The following HADHB variants were observed in gnomAD, a reference collection of about 807,000 sequenced individuals.
The protein encoded by HADHB is trifunctional enzyme subunit beta, mitochondrial.
A neutral mutation model predicts 61.9 loss-of-function variants in HADHB; 50 were observed. That is an observed-to-expected ratio of 0.81 (90% CI 0.64 to 1.02). The LOEUF is 1.02. HADHB is among the 50% of genes least tolerant of loss of function. HADHB has a pLI of 0.00. For synonymous variants in HADHB, 191 were observed against 201.6 expected (o/e 0.95, Z 0.45); for missense variants, 504 against 586.5 (o/e 0.86, Z 1.45).
At chr2:26,272,387 G>A (rs1391024082) in intron 5 of HADHB, among the ~76,000 whole-genome samples, 1 of 142,406 alleles carries the variant, frequency 7.0e-6, no homozygotes, top group Admixed American at 7.3e-5. Context: ...CTCTTGTTGC[G>A]CAAATTGGAG....
chr2:26,249,057 CA>C (rs112282659), intron 1 of HADHB, among the ~76,000 whole-genome samples: 51 of 136,584 alleles, frequency 3.7e-4, no homozygotes, highest in Non-Finnish European at 4.0e-4. Flanking sequence ...GACTTTGTCT[CA>C]AAAAAAAAAA....
Position 26,290,019 on chromosome 2 carries a change from C to T in HADHB, c.*66C>T, listed in dbSNP as rs372006742. The T allele has an allele frequency of 2.0e-6, 2 of 1,019,210 alleles. No individual in the cohort carries two copies. The highest frequency in any genetic ancestry group is 3.1e-6 in the Non-Finnish European group (2 of 637,918). 63.1% of individuals were successfully genotyped at this position (1,019,210 alleles called of 1,614,324 possible). On this transcript the variant is annotated 3_prime_UTR_variant, in exon 16 of 16. Transcript: ENST00000317799. ...CACACTAGGCAATGCCATTTCAATGCATTACTAAATGACATTTGTAGTTCC... is the reference window on the plus strand; with the variant it reads ...CACACTAGGCAATGCCATTTCAATGTATTACTAAATGACATTTGTAGTTCC...
Position 26,282,989 on chromosome 2 carries a change from TA to T in HADHB, c.1014-14del. On this transcript the variant is annotated splice_polypyrimidine_tract_variant and intron_variant, in intron 11 of 15. Transcript: ENST00000317799. Reference sequence around the variant, plus strand: ...ATTTTATTACCAAAGCTCACCTCTCTATTTTTTTACCTAGGGATTTTATGTA... The same window carrying T: ...ATTTTATTACCAAAGCTCACCTCTCTTTTTTTTACCTAGGGATTTTATGTA... The T allele has an allele frequency of 6.2e-7, 1 of 1,606,836 alleles. No individual in the cohort carries two copies. The highest frequency in any genetic ancestry group is 1.1e-5 in the South Asian group (1 of 90,928).
intron 1 of HADHB, among the ~76,000 whole-genome samples, chr2:26,247,282 A>C (rs1671204440): frequency 3.3e-5 from 5 of 152,152 alleles, no homozygotes; most frequent in Non-Finnish European, 1.5e-5. Flanking sequence ...TATTTTTACC[A>C]AAATTTCTGT....
intron 7 of HADHB, 117 bp from the exon 8 acceptor site, chr2:26,278,497 A>G: frequency 1.2e-6 from 1 of 868,842 alleles, no homozygotes; most frequent in Non-Finnish European, 1.9e-6. Flanking sequence ...AACTTTAATT[A>G]CAGATGTTGT....
At chr2:26,284,291 T>C in intron 13 of HADHB, 87 bp downstream of exon 13, 1 of 817,194 alleles carries the variant, frequency 1.2e-6, no homozygotes, top group Non-Finnish European at 2.2e-6. Context: ...GCATGGTTTA[T>C]GATGTGAGTA....
intron 3 of HADHB, 146 bp downstream of exon 3, chr2:26,254,620 A>C: frequency 3.1e-6 from 2 of 640,842 alleles, no homozygotes; most frequent in South Asian, 3.5e-5. Context: ...CCTTCAAATT[A>C]AAAAATTATA....
In HADHB at chr2:26,284,943, G is replaced by C. The variant is rs918753033; in HGVS notation, c.1210G>C (p.Gly404Arg). The change falls in exon 14 of 16, where the codon GGT becomes CGT. Residue 404 changes from glycine to arginine, a missense_variant. By Grantham distance (125) the Gly-to-Arg change is moderately radical (BLOSUM62 -2). Coordinates refer to ENST00000317799, the MANE Select transcript of HADHB (RefSeq NM_000183.3). ...TGATTGGTTTGCAGAAAACTACATG[G>C]GTAGAAAAACCAAGGTGAGTTTCTA... ...DSDWFAENYM[G>R]RKTKVGLPPL... 2.5e-6 allele frequency: 4 copies of C among 1,576,760 alleles called. No homozygotes were observed. Among genetic ancestry groups the C allele is most frequent in the Non-Finnish European group, 2.6e-6 (3 of 1,146,136 alleles).
At chr2:26,287,893 A>G (rs1673103858) in intron 15 of HADHB, among the ~76,000 whole-genome samples, 1 of 152,210 alleles carries the variant, frequency 6.6e-6, no homozygotes, top group African/African-American at 2.4e-5. Context: ...GGTTGGTATA[A>G]CCAAAAGTAT....
At chr2:26,288,489 G>A (rs1673133823) in intron 15 of HADHB, among the ~76,000 whole-genome samples, 3 of 151,488 alleles carry the variant, frequency 2.0e-5, no homozygotes, top group Admixed American at 1.3e-4. Context: ...TGGGCAGATT[G>A]CTTGAGCTCA....
At chr2:26,256,255 C>T (rs945874154) in intron 3 of HADHB, among the ~76,000 whole-genome samples, 6 of 152,146 alleles carry the variant, frequency 3.9e-5, no homozygotes, top group Non-Finnish European at 7.3e-5. Context: ...CAGGCATGTG[C>T]CTGTGCTGAG....
At chr2:26,277,937 A>AT in intron 7 of HADHB, among the ~76,000 whole-genome samples, 1 of 152,194 alleles carries the variant, frequency 6.6e-6, no homozygotes, top group Non-Finnish European at 1.5e-5. Context: ...CATCCTTGTC[A>AT]TTTTTATAAA....
At chr2:26,245,236 C>T in intron 1 of HADHB, 1 of 175,798 alleles carries the variant, frequency 5.7e-6, no homozygotes, top group Admixed American at 5.4e-5. Flanking sequence ...TTTATCATCA[C>T]AAGTTAACGA....
intron 1 of HADHB, among the ~76,000 whole-genome samples, chr2:26,251,502 A>T (rs1418719324): frequency 2.6e-5 from 4 of 152,108 alleles, no homozygotes; most frequent in Non-Finnish European, 5.9e-5. Context: ...AAGTTTTGTT[A>T]TCTGTTGCAA....
intron 6 of HADHB, among the ~76,000 whole-genome samples, chr2:26,274,304 A>G (rs1672458140): frequency 6.6e-6 from 1 of 152,198 alleles, no homozygotes; most frequent in Non-Finnish European, 1.5e-5. Flanking sequence ...CAGGCCTTGG[A>G]ACTTCTAGGA....
chr2:26,289,017 G>A (rs182560511), intron 15 of HADHB, among the ~76,000 whole-genome samples: 413 of 152,180 alleles, frequency 2.7e-3, no homozygotes, highest in Non-Finnish European at 3.9e-3. Flanking sequence ...TTGGGAGGCC[G>A]AGGCAGGCAG....
chr2:26,279,493 TA>T (rs1672698400), intron 9 of HADHB, among the ~76,000 whole-genome samples, 178 bp downstream of exon 9: 1 of 152,190 alleles, frequency 6.6e-6, no homozygotes, highest in South Asian at 2.1e-4. Context: ...TAACATTTTT[TA>T]ATGTTTCTAT....
intron 15 of HADHB, 118 bp from the exon 16 acceptor site, chr2:26,289,800 T>C: frequency 2.5e-6 from 2 of 794,086 alleles, no homozygotes; most frequent in South Asian, 1.3e-5. Context: ...CAGTGATTGA[T>C]TGGCAGAGCC....
chr2:26,283,517 C>T (rs565595175), intron 12 of HADHB, among the ~76,000 whole-genome samples: 1 of 151,960 alleles, frequency 6.6e-6, no homozygotes, highest in South Asian at 2.1e-4. Flanking sequence ...GAGCGAGACT[C>T]CATCTCAAAA....
Sources: gnomAD v4.1 joint callset for allele counts (sites outside exome capture counted in the v4.1 genomes callset) on GRCh38, gnomAD v4.1.1 for gene constraint, MANE v1.5 for transcripts, NCBI Gene and HGNC (gene_info 2026-07-23, HGNC 2026-07-21) for gene names.